The following GTF2B variants were observed in gnomAD, a reference collection of about 807,000 sequenced individuals.
GTF2B encodes the protein transcription initiation factor IIB.
GTF2B carries 20 observed loss-of-function variants against 34.6 expected under a neutral mutation model. That is an observed-to-expected ratio of 0.58 (90% CI 0.41 to 0.84). The LOEUF is 0.84. Ranked by LOEUF, GTF2B falls within the 40% of genes least tolerant of loss-of-function variation. The pLI, the probability that GTF2B is intolerant of heterozygous loss-of-function variation, is 0.00. For missense variants in GTF2B, 237 were observed against 393.3 expected (o/e 0.60, Z 3.36); for synonymous variants, 142 against 132.4 (o/e 1.07, Z -0.50).
intron 5 of GTF2B, 76 bp downstream of exon 5, chr1:88,859,806 G>T: frequency 7.3e-7 from 1 of 1,361,858 alleles, no homozygotes. Context: ...ACTGCACTCT[G>T]GCCTGGGCGA....
At chr1:88,855,532 T>C (rs1673285017) in intron 6 of GTF2B, among the ~76,000 whole-genome samples, 1 of 152,282 alleles carries the variant, frequency 6.6e-6, no homozygotes, top group African/African-American at 2.4e-5. Flanking sequence ...TTTGTATTTT[T>C]AGTAGAGATG....
intron 2 of GTF2B, among the ~76,000 whole-genome samples, chr1:88,868,272 A>G (rs576698611): frequency 7.2e-5 from 11 of 152,360 alleles, no homozygotes; most frequent in Non-Finnish European, 1.0e-4. Context: ...CAAATACACA[A>G]AACTTCACAT....
intron 2 of GTF2B, among the ~76,000 whole-genome samples, chr1:88,886,621 C>T (rs1486558074): frequency 6.6e-6 from 1 of 152,182 alleles, no homozygotes; most frequent in Non-Finnish European, 1.5e-5. Context: ...TACATGTATT[C>T]ATTATTTAAT....
At chr1:88,881,624 T>C (rs1264610384) in intron 2 of GTF2B, among the ~76,000 whole-genome samples, 1 of 152,160 alleles carries the variant, frequency 6.6e-6, no homozygotes, top group African/African-American at 2.4e-5. Context: ...ACAAGATATA[T>C]TACACATTTA....
intron 1 of GTF2B, among the ~76,000 whole-genome samples, chr1:88,891,095 T>C (rs1206042052): frequency 4.0e-5 from 4 of 101,240 alleles, no homozygotes; most frequent in East Asian, 6.7e-4. Flanking sequence ...CTCGGGTTGT[T>C]TGGGCCGTAG....
rs1208509623 is a variant in GTF2B at position 88,852,976 on chromosome 1, A to G, written c.*237T>C. 4.6e-6 allele frequency: 2 copies of G among 434,428 alleles called. No individual in the cohort carries two copies. The highest frequency in any genetic ancestry group is 8.2e-6 in the Non-Finnish European group (2 of 244,488). 26.9% of individuals were successfully genotyped at this position (434,428 alleles called of 1,614,324 possible). ...TTATTCAAGAATTACATAATTTCAA[A>G]TATCTTCCAAAATACAGTTTCCTAG... On this transcript the variant is annotated 3_prime_UTR_variant, in exon 7 of 7. Coordinates refer to ENST00000370500, the MANE Select transcript of GTF2B (RefSeq NM_001514.6).
intron 5 of GTF2B, among the ~76,000 whole-genome samples, chr1:88,859,632 T>G (rs1264416899): frequency 6.6e-6 from 1 of 152,156 alleles, no homozygotes; most frequent in East Asian, 1.9e-4. Context: ...GGTCAGAAGT[T>G]TGAGACCAGC....
At chr1:88,865,399 GGAT>G (rs1261294219) in intron 2 of GTF2B, among the ~76,000 whole-genome samples, 1 of 152,080 alleles carries the variant, frequency 6.6e-6, no homozygotes, top group Admixed American at 6.6e-5. Flanking sequence ...TTTTTTGTGG[GGAT>G]GATAAGGGAG....
chr1:88,881,758 G>C (rs1570734905), intron 2 of GTF2B, among the ~76,000 whole-genome samples: 2 of 152,222 alleles, frequency 1.3e-5, no homozygotes, highest in East Asian at 3.9e-4. Context: ...AGTTTTATTG[G>C]ATATGTTTTT....
Position 88,860,008 on chromosome 1 carries a change from G to A in GTF2B, c.409C>T (p.Arg137Ter), listed in dbSNP as rs772494214. ...RINLPRNIVD[R>*]TNNLFKQVYE... ...ACTTGCTTGAATAAATTATTTGTTC[G>A]ATCCTTCAAAGCAGAGAAACTAAGT... The change falls in exon 5 of 7, where the codon CGA becomes TGA. Residue 137 changes from arginine to a stop codon, truncating the protein, a stop_gained. Coordinates refer to ENST00000370500, the MANE Select transcript of GTF2B (RefSeq NM_001514.6). LOFTEE classifies it high-confidence loss of function. The A allele has an allele frequency of 1.9e-6, 3 of 1,613,480 alleles. No individual in the cohort carries two copies. The highest frequency in any genetic ancestry group is 2.5e-6 in the Non-Finnish European group (3 of 1,179,598).
At chr1:88,857,029 G>T (rs1673328530) in intron 6 of GTF2B, among the ~76,000 whole-genome samples, 177 bp downstream of exon 6, 1 of 152,136 alleles carries the variant, frequency 6.6e-6, no homozygotes, top group South Asian at 2.1e-4. Context: ...TCGAACTCCT[G>T]ACCTTAGGTG....
At chr1:88,868,511 C>T (rs941819081) in intron 2 of GTF2B, among the ~76,000 whole-genome samples, 1 of 152,098 alleles carries the variant, frequency 6.6e-6, no homozygotes, top group African/African-American at 2.4e-5. Flanking sequence ...GTATTTCACA[C>T]ATTAGCTCTC....
intron 2 of GTF2B, among the ~76,000 whole-genome samples, chr1:88,886,962 G>A (rs532091286): frequency 1.8e-4 from 27 of 151,236 alleles, no homozygotes; most frequent in South Asian, 4.2e-4. Context: ...TCTGTTGCTC[G>A]GGCTAGAGTG....
At chr1:88,866,914 C>A (rs1421392591) in intron 2 of GTF2B, among the ~76,000 whole-genome samples, 1 of 151,986 alleles carries the variant, frequency 6.6e-6, no homozygotes, top group Non-Finnish European at 1.5e-5. Context: ...AGCAGGTGGC[C>A]CGAAACAAGG....
chr1:88,890,343 A>T (rs1674172180), intron 1 of GTF2B, among the ~76,000 whole-genome samples: 1 of 152,202 alleles, frequency 6.6e-6, no homozygotes, highest in Non-Finnish European at 1.5e-5. Context: ...GTTCTGTTCA[A>T]ACAGTATATT....
chr1:88,887,307 G>A lies in GTF2B; in HGVS notation c.78C>T (p.Asp26=). The A allele has an allele frequency of 1.2e-6, 2 of 1,612,408 alleles. No homozygotes were observed. The highest frequency in any genetic ancestry group is 1.7e-6 in the Non-Finnish European group (2 of 1,178,500). ...PNHPDAILVE[D]YRAGDMICPE... is the part of the protein sequence containing the mutation. ...GACAGATCATATCACCGGCTCTGTA[G>A]TCCTCCACTAAAATCGCATCTGGAT... Residue 26 remains aspartate (D), a synonymous_variant, in exon 2 of 7, where the codon GAC becomes GAT. Transcript: ENST00000370500.
At chr1:88,877,374 C>T (rs1673839861) in intron 2 of GTF2B, among the ~76,000 whole-genome samples, 1 of 152,152 alleles carries the variant, frequency 6.6e-6, no homozygotes, top group Non-Finnish European at 1.5e-5. Flanking sequence ...AGAAATACTA[C>T]TACTAGTTTC....
At position 88,860,476 on chromosome 1, in the gene GTF2B, TAAAGTGTATAAATAG is replaced by T. The variant is rs541797610; in HGVS notation, c.259-205_259-191del. On this transcript the variant is annotated intron_variant, in intron 3 of 6. Transcript: ENST00000370500. ...TCAAGAACATAGAAAATAGGAAGCT[TAAAGTGTATAAATAG>T]AAATATGATACAAACACCTGACAAA... 2.3e-3 allele frequency among the ~76,000 whole-genome samples: 350 copies of T among 152,200 alleles called. 3 individuals carry two copies. Among genetic ancestry groups the T allele is most frequent in the African/African-American group, 8.0e-3 (334 of 41,530 alleles).
intron 2 of GTF2B, among the ~76,000 whole-genome samples, chr1:88,874,738 T>C (rs532104262): frequency 1.2e-4 from 19 of 152,224 alleles, no homozygotes; most frequent in African/African-American, 4.6e-4. Flanking sequence ...CACTGTGGCA[T>C]ACAACCTGTA....
Sources: allele counts gnomAD v4.1 joint callset (sites outside exome capture counted in the v4.1 genomes callset), GRCh38; gene constraint gnomAD v4.1.1; transcripts MANE v1.5; gene names NCBI Gene and HGNC (gene_info 2026-07-23, HGNC 2026-07-21).